Variants in ABL2 observed in about 807,000 individuals in gnomAD.
ABL2 encodes the protein tyrosine-protein kinase ABL2.
A neutral mutation model predicts 107.7 loss-of-function variants in ABL2; 49 were observed. The observed-to-expected ratio is 0.45, with a 90% CI of 0.36 to 0.58. The LOEUF (loss-of-function observed/expected upper bound fraction) is 0.58. Ranked by LOEUF, ABL2 falls within the 20% of genes least tolerant of loss-of-function variation. The pLI is 0.00. For missense variants in ABL2, 1,245 were observed against 1,457.0 expected (o/e 0.85, Z 2.37); for synonymous variants, 549 against 548.6 (o/e 1.00, Z -0.01).
intron 1 of ABL2, among the ~76,000 whole-genome samples, chr1:179,146,297 AG>A (rs1657984505): frequency 3.9e-5 from 6 of 152,156 alleles, no homozygotes; most frequent in Admixed American, 3.9e-4. Context: ...GGGAATCAAC[AG>A]GGCTTGCAGA....
At chr1:179,135,735 A>G (rs1656857567) in intron 1 of ABL2, among the ~76,000 whole-genome samples, 1 of 129,818 alleles carries the variant, frequency 7.7e-6, no homozygotes, top group African/African-American at 3.0e-5. Flanking sequence ...GGAAGTGAGG[A>G]GCCCCTCTGC....
chr1:179,134,504 A>ATCAAAAGTT, intron 1 of ABL2, among the ~76,000 whole-genome samples: 1 of 152,204 alleles, frequency 6.6e-6, no homozygotes, highest in East Asian at 1.9e-4. Context: ...TATTTATAAA[A>ATCAAAAGTT]TCAAAAGTTT....
In ABL2 at chr1:179,103,158, A is replaced by G. The variant is rs897700178; in HGVS notation, c.*4560T>C. On this transcript the variant is annotated 3_prime_UTR_variant, in exon 12 of 12. Coordinates refer to ENST00000502732, the MANE Select transcript of ABL2 (RefSeq NM_007314.4). ...GAGTACACATTCTTACTTTTTAAAG[A>G]TCGGAATTAAACCAAAAAGTTGGTC... 2 of 215,836 alleles carry G rather than the reference A, an allele frequency of 9.3e-6. No individual in the cohort carries two copies. The highest frequency in any genetic ancestry group is 1.9e-5 in the Non-Finnish European group (2 of 107,214). The allele number at this position is 215,836 out of a possible 1,614,324, so 13.4% of individuals were successfully genotyped here. A position where few individuals can be genotyped will look rare whatever the true frequency, so the allele number is the denominator to read the frequency against.
At chr1:179,193,695 C>T (rs1266901714) in intron 1 of ABL2, among the ~76,000 whole-genome samples, 3 of 151,682 alleles carry the variant, frequency 2.0e-5, no homozygotes, top group Non-Finnish European at 2.9e-5. Context: ...TGTGAGCCAC[C>T]GTGCCTGGCC....
chr1:179,150,304 T>C (rs577390262), intron 1 of ABL2, among the ~76,000 whole-genome samples: 19 of 152,180 alleles, frequency 1.2e-4, no homozygotes, highest in African/African-American at 2.7e-4. Context: ...TTAAAATCAA[T>C]TGACAACCTT....
rs1037060569 is a variant in ABL2, at chr1:179,103,094, T to C, written c.*4624A>G. On this transcript the variant is annotated 3_prime_UTR_variant, in exon 12 of 12. Coordinates refer to ENST00000502732, the MANE Select transcript of ABL2 (RefSeq NM_007314.4). ...AAGAGTAAGAGGACCTCATCCTTCTTGAGTCAAGGTCCTTGGAAGAGCTTC... is the reference window on the plus strand; with the variant it reads ...AAGAGTAAGAGGACCTCATCCTTCTCGAGTCAAGGTCCTTGGAAGAGCTTC... 33 of 220,812 alleles carry C rather than the reference T, an allele frequency of 1.5e-4. No individual in the cohort carries two copies. Among genetic ancestry groups the C allele is most frequent in the Non-Finnish European group, 2.3e-4 (25 of 110,308 alleles). 13.7% of individuals were successfully genotyped at this position (220,812 alleles called of 1,614,324 possible).
chr1:179,136,310 C>T (rs1157787328), intron 1 of ABL2, among the ~76,000 whole-genome samples: 17 of 151,444 alleles, frequency 1.1e-4, no homozygotes, highest in Non-Finnish European at 7.4e-5. Flanking sequence ...GGATGGTTGC[C>T]GTGTCTGTGT....
chr1:179,186,909 G>A (rs1203687858), intron 1 of ABL2, among the ~76,000 whole-genome samples: 1 of 151,728 alleles, frequency 6.6e-6, no homozygotes, highest in Non-Finnish European at 1.5e-5. Flanking sequence ...GCTAATTTTT[G>A]TATTTTTAGT....
At chr1:179,176,602 A>T (rs996139108) in intron 1 of ABL2, among the ~76,000 whole-genome samples, 1 of 152,150 alleles carries the variant, frequency 6.6e-6, no homozygotes, top group Non-Finnish European at 1.5e-5. Flanking sequence ...TGGGAGCTGA[A>T]GGCAAATATC....
intron 4 of ABL2, among the ~76,000 whole-genome samples, chr1:179,122,202 C>T (rs1017614711): frequency 2.0e-5 from 3 of 150,912 alleles, no homozygotes; most frequent in Non-Finnish European, 4.4e-5. Flanking sequence ...GCATGAGCCA[C>T]CGCTCCCGGC....
chr1:179,185,441 T>A (rs1265481558), intron 1 of ABL2, among the ~76,000 whole-genome samples: 4 of 152,168 alleles, frequency 2.6e-5, no homozygotes, highest in African/African-American at 7.2e-5. Context: ...TTCACCCTGT[T>A]TTTTTTAAAA....
intron 1 of ABL2, among the ~76,000 whole-genome samples, chr1:179,177,609 G>C (rs1660125711): frequency 6.6e-6 from 1 of 152,128 alleles, no homozygotes; most frequent in Admixed American, 6.6e-5. Flanking sequence ...ATTGGAGGTG[G>C]TAAAACAGTT....
chr1:179,229,632 ACGCCGCCGCCGCCGCCGC>A lies in ABL2; in HGVS notation c.-253_-236del, dbSNP rs3046363. 21 of 451,820 alleles carry A rather than the reference ACGCCGCCGCCGCCGCCGC, an allele frequency of 4.6e-5. No individual in the cohort carries two copies. Among genetic ancestry groups the A allele is most frequent in the East Asian group, 3.6e-4 (9 of 24,764 alleles). 28.0% of individuals were successfully genotyped at this position (451,820 alleles called of 1,614,324 possible). On this transcript the variant is annotated 5_prime_UTR_variant, in exon 1 of 12. Coordinates refer to ENST00000502732, the MANE Select transcript of ABL2 (RefSeq NM_007314.4). ...CTCCTGTCGCGGCTCCGCGCCCCCA[ACGCCGCCGCCGCCGCCGC>A]CGCCACCGCCGCCGCCATCTTTAAA...
rs1655700353 is a variant in ABL2 at position 179,126,123 on chromosome 1, A to T, written c.687+254T>A. ...TATAAGAACAGCTAACTTATAGAGC[A>T]GTTCCCTTCATTCTTCACCTTCAAA... is the stretch of plus-strand genomic sequence containing the variant. On this transcript the variant is annotated intron_variant, in intron 4 of 11. Transcript: ENST00000502732. This position sits in a 1 kb window ranked among gnomAD's most constrained non-coding sequence, Gnocchi z 4.4. 6.6e-6 allele frequency among the ~76,000 whole-genome samples: 1 copy of T among 152,212 alleles called. No homozygotes were observed. The highest frequency in any genetic ancestry group is 2.1e-4 in the South Asian group (1 of 4,834).
At position 179,110,436 on chromosome 1, in the gene ABL2, C is replaced by T. The variant is rs752885690; in HGVS notation, c.1671G>A (p.Gly557=). 8 of 1,613,252 alleles carry T rather than the reference C, an allele frequency of 5.0e-6. No homozygotes were observed. The South Asian group carries it at 7.7e-5, about 16-fold the overall frequency. Residue 557 remains glycine, a synonymous_variant, in exon 11 of 12, where the codon GGG becomes GGA. Transcript: ENST00000502732. ...CAACAGATGACGAGGAGGCGGCTCT[C>T]CCAAGCTCCTCAGCTACCTCTGTGA... The part of the protein sequence containing the change: ...SISEEVAEEL[G]RAASSSSVVP...
chr1:179,125,010 C>T (rs969253134), intron 4 of ABL2, among the ~76,000 whole-genome samples: 39 of 152,166 alleles, frequency 2.6e-4, no homozygotes, highest in African/African-American at 9.4e-4. Flanking sequence ...CATCCTCATC[C>T]CCTGGCTAAT....
At chr1:179,197,099 G>A (rs941665159) in intron 1 of ABL2, among the ~76,000 whole-genome samples, 1 of 152,040 alleles carries the variant, frequency 6.6e-6, no homozygotes, top group Non-Finnish European at 1.5e-5. Flanking sequence ...ATTCAAGAGG[G>A]AAAGAAAAGA....
At chr1:179,183,982 A>G (rs1271292027) in intron 1 of ABL2, 2 of 266,106 alleles carry the variant, frequency 7.5e-6, no homozygotes, top group Non-Finnish European at 1.5e-5. Flanking sequence ...AACTGAACAT[A>G]TTGATGAAGT....
chr1:179,099,800 CTG>C lies in ABL2; in HGVS notation c.*7916_*7917del, dbSNP rs1371788642. Reference sequence around the variant, plus strand: ...TTATTTTTACTAAGCGAGCATAAAACTGGGGTTTGTCCAGTGACAGTCATTAG... The same window carrying C: ...TTATTTTTACTAAGCGAGCATAAAACGGGTTTGTCCAGTGACAGTCATTAG... On this transcript the variant is annotated 3_prime_UTR_variant, in exon 12 of 12. Coordinates refer to ENST00000502732, the MANE Select transcript of ABL2 (RefSeq NM_007314.4). 4.3e-6 allele frequency: 1 copy of C among 231,796 alleles called. No homozygotes were observed. The highest frequency in any genetic ancestry group is 8.5e-6 in the Non-Finnish European group (1 of 117,206). 14.4% of individuals were successfully genotyped at this position (231,796 alleles called of 1,614,324 possible).
Sources: allele counts gnomAD v4.1 joint callset (sites outside exome capture counted in the v4.1 genomes callset), GRCh38; gene constraint gnomAD v4.1.1; non-coding constraint Gnocchi (gnomAD v3.1); transcripts MANE v1.5; gene names NCBI Gene and HGNC (gene_info 2026-07-23, HGNC 2026-07-21).